Variants in RARB observed in about 807,000 individuals in gnomAD.
The protein encoded by RARB is HBV-activated protein.
Under a neutral mutation model 51.9 loss-of-function variants are expected in RARB, and 17 were observed. The ratio of observed to expected loss-of-function variants is 0.33; its 90% CI spans 0.22 to 0.49. The LOEUF is 0.49. Ranked by LOEUF, RARB falls within the 20% of genes least tolerant of loss-of-function variation. The pLI, the probability that RARB is intolerant of heterozygous loss-of-function variation, is 0.99. For synonymous variants in RARB, 215 were observed against 195.4 expected, an observed-to-expected ratio of 1.10 and a Z score of -0.84; for missense variants, 369 against 550.8, an observed-to-expected ratio of 0.67 and a Z score of 3.30.
At chr3:24,834,014 T>C (rs1702312709) in intron 1 of RARB, among the ~76,000 whole-genome samples, 1 of 152,216 alleles carries the variant, frequency 6.6e-6, no homozygotes, top group South Asian at 2.1e-4. Context: ...GATAAACTGA[T>C]TTGCTATATT....
chr3:25,515,507 T>TG (rs1017323676), intron 3 of RARB, among the ~76,000 whole-genome samples: 21 of 151,944 alleles, frequency 1.4e-4, no homozygotes, highest in African/African-American at 2.2e-4. Flanking sequence ...AGTCCAATCC[T>TG]GGGGGGGAGG....
intron 5 of RARB, among the ~76,000 whole-genome samples, chr3:25,421,102 G>T (rs1470565173): frequency 1.3e-5 from 2 of 151,474 alleles, no homozygotes; most frequent in African/African-American, 4.9e-5. Flanking sequence ...TTCTGACTCA[G>T]TGTGTGCTTT....
intron 2 of RARB, among the ~76,000 whole-genome samples, chr3:25,030,654 C>A (rs544088488): frequency 5.3e-5 from 8 of 152,152 alleles, no homozygotes; most frequent in Admixed American, 5.2e-4. Context: ...TAAAAGAATA[C>A]TCAGTTTTGT....
intron 5 of RARB, among the ~76,000 whole-genome samples, chr3:25,308,853 T>G (rs1704215624): frequency 6.6e-6 from 1 of 152,242 alleles, no homozygotes; most frequent in Non-Finnish European, 1.5e-5. Flanking sequence ...TTCCTCTGTT[T>G]GCACTAATCT....
chr3:25,219,920 A>C (rs1701909519), intron 5 of RARB, among the ~76,000 whole-genome samples: 1 of 152,232 alleles, frequency 6.6e-6, no homozygotes, highest in Middle Eastern at 3.2e-3. Flanking sequence ...AATCTGCATA[A>C]TGTGGCACAC....
At chr3:25,316,047 T>C (rs1704415794) in intron 5 of RARB, among the ~76,000 whole-genome samples, 1 of 152,236 alleles carries the variant, frequency 6.6e-6, no homozygotes, top group African/African-American at 2.4e-5. Flanking sequence ...TATATTTGTT[T>C]TTTGATCAAA....
intron 2 of RARB, among the ~76,000 whole-genome samples, chr3:24,938,043 C>T (rs1328995337): frequency 5.2e-5 from 2 of 38,396 alleles, no homozygotes; most frequent in Non-Finnish European, 1.0e-4. Context: ...TGCACACATG[C>T]GCACACACAC....
intron 2 of RARB, among the ~76,000 whole-genome samples, chr3:25,007,398 G>C (rs925066569): frequency 2.4e-4 from 37 of 151,728 alleles, no homozygotes; most frequent in African/African-American, 8.5e-4. Context: ...GGCCGAGGTG[G>C]GTGGATCACT....
intron 2 of RARB, among the ~76,000 whole-genome samples, chr3:25,003,209 A>G (rs935127807): frequency 6.6e-6 from 1 of 151,532 alleles, no homozygotes; most frequent in East Asian, 1.9e-4. Context: ...AAAAAAAAAA[A>G]CTGCTTTTGA....
At chr3:25,062,423 C>T (rs958142617) in intron 3 of RARB, among the ~76,000 whole-genome samples, 6 of 151,848 alleles carry the variant, frequency 4.0e-5, no homozygotes, top group Non-Finnish European at 7.4e-5. Flanking sequence ...TGACCAGTAT[C>T]TATTAAAACT....
At chr3:25,284,502 A>G (rs1364006967) in intron 5 of RARB, among the ~76,000 whole-genome samples, 1 of 152,124 alleles carries the variant, frequency 6.6e-6, no homozygotes, top group Non-Finnish European at 1.5e-5. Context: ...ATATTACTCA[A>G]ATATTTTTAT....
At chr3:24,929,298 G>C (rs1695391741) in intron 2 of RARB, among the ~76,000 whole-genome samples, 1 of 152,056 alleles carries the variant, frequency 6.6e-6, no homozygotes, top group African/African-American at 2.4e-5. Flanking sequence ...AAGTTAGAGT[G>C]CATAGTGAAA....
chr3:25,058,844 A>C (rs1488990877), intron 2 of RARB, among the ~76,000 whole-genome samples: 1 of 151,750 alleles, frequency 6.6e-6, no homozygotes, highest in East Asian at 1.9e-4. Context: ...GAGTGAATAT[A>C]ATCTAGACAT....
chr3:25,288,317 G>C (rs1212490901), intron 5 of RARB, among the ~76,000 whole-genome samples: 14 of 152,076 alleles, frequency 9.2e-5, no homozygotes, highest in Admixed American at 8.5e-4. Flanking sequence ...GTGAAACTTT[G>C]GAACTGAGTT....
At chr3:25,280,681 C>G (rs1312446793) in intron 5 of RARB, among the ~76,000 whole-genome samples, 4 of 152,160 alleles carry the variant, frequency 2.6e-5, no homozygotes, top group Non-Finnish European at 5.9e-5. Context: ...AATTAGGATC[C>G]AGGTCCCTCA....
upstream of RARB, among the ~76,000 whole-genome samples, chr3:25,426,504 G>C (rs1448697796): frequency 2.0e-5 from 3 of 152,240 alleles, no homozygotes; most frequent in Non-Finnish European, 2.9e-5. Context: ...CCACTAGACA[G>C]GGCAGTGTTT....
At chr3:25,521,229 T>C (rs1698388438) in intron 3 of RARB, among the ~76,000 whole-genome samples, 1 of 152,194 alleles carries the variant, frequency 6.6e-6, no homozygotes, top group East Asian at 1.9e-4. Context: ...TTGCTATACA[T>C]GCTCTTGTCA....
intron 5 of RARB, among the ~76,000 whole-genome samples, chr3:25,367,382 A>G (rs1173713589): frequency 6.6e-6 from 1 of 152,156 alleles, no homozygotes; most frequent in Non-Finnish European, 1.5e-5. Context: ...AGGGGAACAC[A>G]GGAGTGGACA....
intron 2 of RARB, among the ~76,000 whole-genome samples, chr3:25,478,679 A>G (rs1696080586): frequency 1.3e-5 from 2 of 152,222 alleles, no homozygotes; most frequent in African/African-American, 4.8e-5. Context: ...CTATGGACAC[A>G]GGGAGAAAAA....
Sources: gnomAD v4.1 joint callset for allele counts (sites outside exome capture counted in the v4.1 genomes callset) on GRCh38, gnomAD v4.1.1 for gene constraint, MANE v1.5 for transcripts, NCBI Gene and HGNC (gene_info 2026-07-23, HGNC 2026-07-21) for gene names.